The following LRRC37B variants were observed in gnomAD, a reference collection of about 807,000 sequenced individuals.
LRRC37B encodes the protein leucine rich repeat containing 37B.
A neutral mutation model predicts 98.3 loss-of-function variants in LRRC37B; 28 were observed. The ratio of observed to expected loss-of-function variants is 0.28; its 90% confidence interval spans 0.21 to 0.39. The LOEUF (loss-of-function observed/expected upper bound fraction) is 0.39. LRRC37B is among the 10% of genes least tolerant of loss of function. The pLI is 1.00. For missense variants in LRRC37B, 938 were observed against 1,182.7 expected, an observed-to-expected ratio of 0.79 and a Z score of 3.03; for synonymous variants, 364 against 442.7, an observed-to-expected ratio of 0.82 and a Z score of 2.23.
At chr17:32,016,942 A>G (rs1910657925), upstream of LRRC37B, 1 of 152,174 alleles carries the variant, frequency 6.6e-6, no homozygotes, top group Non-Finnish European at 1.5e-5. Context: ...ATGACATTCA[A>G]TGAGTAGCAA....
chr17:32,010,677 A>G (rs1910505357), intron 1 of LRRC37B, among the ~76,000 whole-genome samples: 1 of 152,206 alleles, frequency 6.6e-6, no homozygotes, highest in Admixed American at 6.5e-5. Context: ...ATTTTAAAAT[A>G]TACACTAAGT....
chr17:32,020,209 G>A (rs141084103), upstream of LRRC37B, among the ~76,000 whole-genome samples: 324 of 152,302 alleles, frequency 2.1e-3, 2 homozygotes, highest in African/African-American at 7.3e-3. Flanking sequence ...AGAAGATGAA[G>A]CTCCTTCTTG....
chr17:32,048,597 T>G (rs1175452502), intron 9 of LRRC37B, among the ~76,000 whole-genome samples: 1 of 151,986 alleles, frequency 6.6e-6, no homozygotes, highest in African/African-American at 2.4e-5. Context: ...GTGAAAAACA[T>G]GAAGGCTGCT....
chr17:32,008,362 G>T (rs771447183), intron 1 of LRRC37B, among the ~76,000 whole-genome samples: 8 of 152,210 alleles, frequency 5.3e-5, no homozygotes, highest in Non-Finnish European at 1.2e-4. Context: ...GCACTCGCTT[G>T]CTCCCCGTCC....
At chr17:32,045,944 A>G in intron 8 of LRRC37B, 126 bp downstream of exon 11, 20 of 1,029,094 alleles carry the variant, frequency 1.9e-5, no homozygotes, top group Non-Finnish European at 2.6e-5. Context: ...GTCAGATTTC[A>G]ACTCCCTCAA....
intron 1 of LRRC37B, among the ~76,000 whole-genome samples, chr17:32,014,468 A>T (rs1348036614): frequency 1.3e-5 from 2 of 152,244 alleles, no homozygotes; most frequent in African/African-American, 4.8e-5. Context: ...ATCTAAGAGA[A>T]TGTGTTGTCA....
intron 2 of LRRC37B, among the ~76,000 whole-genome samples, chr17:32,026,414 C>G (rs914917595): frequency 2.0e-5 from 3 of 152,146 alleles, no homozygotes; most frequent in Non-Finnish European, 4.4e-5. Flanking sequence ...ACTTGGGAAG[C>G]TGAGGCAGGA....
intron 11 of LRRC37B, chr17:32,051,688 G>A (rs1388466795): frequency 2.0e-5 from 3 of 152,232 alleles, no homozygotes; most frequent in African/African-American, 7.2e-5. Context: ...GCAACAGAGC[G>A]AGACCTTGTC....
intron 7 of LRRC37B, among the ~76,000 whole-genome samples, chr17:32,039,222 C>T (rs1480054980): frequency 3.3e-5 from 5 of 151,316 alleles, no homozygotes; most frequent in East Asian, 1.9e-4. Flanking sequence ...AGTGATCCTC[C>T]GGCCTCGTTC....
At chr17:32,010,830 A>G (rs1241393883) in intron 1 of LRRC37B, among the ~76,000 whole-genome samples, 1 of 152,120 alleles carries the variant, frequency 6.6e-6, no homozygotes, top group Non-Finnish European at 1.5e-5. Context: ...TCTACTGCCT[A>G]TCTCCATGAA....
chr17:32,050,024 G>T (rs1843084), exon 11 of LRRC37B: 8 of 1,553,162 alleles, frequency 5.2e-6, no homozygotes, highest in Middle Eastern at 1.7e-4. Context: ...AGTTCCAGGA[G>T]ATGACTATAA....
chr17:32,030,491 A>T (rs1911081522), intron 3 of LRRC37B, among the ~76,000 whole-genome samples, 165 bp from the exon 7 acceptor site: 1 of 150,758 alleles, frequency 6.6e-6, no homozygotes, highest in African/African-American at 2.4e-5. Context: ...ACTCTAGGAG[A>T]GGTACAGGCA....
upstream of LRRC37B, among the ~76,000 whole-genome samples, chr17:32,020,311 A>G (rs1210148476): frequency 6.6e-6 from 1 of 152,230 alleles, no homozygotes; most frequent in East Asian, 1.9e-4. Context: ...GTCGCATTTC[A>G]GGAAATGATT....
chr17:32,038,440 CAG>C lies in LRRC37B; in HGVS notation c.2204+2804_2204+2805del, dbSNP rs1279701697. Reference sequence around the variant, plus strand: ...CACCACCGCACTCCAGCCTGGGTCACAGAGTGAGATACTATCTCAAAAATTAA... The same window carrying C: ...CACCACCGCACTCCAGCCTGGGTCACAGTGAGATACTATCTCAAAAATTAA... On this transcript the variant is annotated intron_variant, in intron 7 of 11. Coordinates refer to ENST00000327564, the Ensembl canonical transcript of LRRC37B. Among the ~76,000 whole-genome samples the C allele has an allele frequency of 5.3e-5, 8 of 152,210 alleles. No homozygotes were observed. In the South Asian group the frequency reaches 1.5e-3, roughly 28 times the overall value.
intron 1 of LRRC37B, among the ~76,000 whole-genome samples, chr17:32,015,646 G>GA (rs1228492390): frequency 3.3e-5 from 5 of 152,292 alleles, no homozygotes; most frequent in Non-Finnish European, 7.4e-5. Context: ...GGTCAACTCG[G>GA]AAAAATCTAC....
intron 7 of LRRC37B, among the ~76,000 whole-genome samples, chr17:32,038,055 G>A (rs1276017138): frequency 1.3e-5 from 2 of 151,892 alleles, no homozygotes; most frequent in African/African-American, 4.8e-5. Flanking sequence ...TTATCCCAGG[G>A]GGTGGAGCTT....
upstream of LRRC37B, chr17:32,018,008 A>AAGAGATTGTAGATGTCAGATGGGAAG (rs1910684434): frequency 4.5e-6 from 1 of 221,216 alleles, no homozygotes; most frequent in Non-Finnish European, 9.6e-6. Flanking sequence ...AGACCCAGTG[A>AAGAGATTGTAGATGTCAGATGGGAAG]AGAGATTGTA....
At chr17:32,021,581 C>T (rs1315838444) in exon 1 of LRRC37B, 5 of 1,614,080 alleles carry the variant, frequency 3.1e-6, no homozygotes, top group Non-Finnish European at 4.2e-6. Flanking sequence ...AGAACCAGGC[C>T]CTAGTTCAGC....
At chr17:32,041,442 G>A (rs751003724) in intron 7 of LRRC37B, 17 of 719,722 alleles carry the variant, frequency 2.4e-5, no homozygotes, top group Admixed American at 1.2e-4. Flanking sequence ...CCAGATCAAC[G>A]AGAACTGGTA....
Sources: allele counts gnomAD v4.1 joint callset (sites outside exome capture counted in the v4.1 genomes callset), GRCh38; gene constraint gnomAD v4.1.1; transcripts MANE v1.5; gene names NCBI Gene and HGNC (gene_info 2026-07-23, HGNC 2026-07-21).